GOLGA6L22: variants seen among roughly 807,000 people sequenced by gnomAD.
GOLGA6L22 encodes golgin A6 family like 22, also known as golgin subfamily A member 6-like protein 22.
Under a neutral mutation model 77.1 loss-of-function variants are expected in GOLGA6L22, and 28 were observed. That is an observed-to-expected ratio of 0.36 (90% CI 0.27 to 0.50). GOLGA6L22 has a LOEUF of 0.50. Among genes scored for constraint, GOLGA6L22 ranks in the 20% least tolerant of loss-of-function variants. The pLI, the probability that GOLGA6L22 is intolerant of heterozygous loss-of-function variation, is 0.97. For synonymous variants in GOLGA6L22, 62 were observed against 185.3 expected (o/e 0.33, Z 5.41); for missense variants, 250 against 620.4 (o/e 0.40, Z 6.34).
At position 22,461,937 on chromosome 15, in the gene GOLGA6L22, G is replaced by T. The variant is rs1457336660; in HGVS notation, c.181-97G>T. 3.2e-5 allele frequency: 40 copies of T among 1,243,418 alleles called. 5 individuals carry two copies. Among genetic ancestry groups the T allele is most frequent in the Non-Finnish European group, 4.0e-5 (36 of 905,114 alleles). The allele number at this position is 1,243,418 out of a possible 1,614,324, so 77.0% of individuals were successfully genotyped here. On this transcript the variant is annotated intron_variant, in intron 2 of 8. Transcript: ENST00000622895. ...CCCTGATAAACTGGTCCCATGGGTG[G>T]GCCTGTTCTGGGACAGTGGTGCCAT...
At chr15:22,461,938 G>T in intron 2 of GOLGA6L22, 96 bp from the exon 3 acceptor site, 1 of 1,264,162 alleles carries the variant, frequency 7.9e-7, no homozygotes, top group African/African-American at 2.1e-5. Context: ...CCATGGGTGG[G>T]CCTGTTCTGG....
rs1276380101 is a variant in GOLGA6L22 at position 22,464,710 on chromosome 15, G to A, written c.634-316G>A. Among the ~76,000 whole-genome samples, 107 of 129,214 alleles carry A rather than the reference G, an allele frequency of 8.3e-4. 20 individuals are homozygous for A. Among genetic ancestry groups the A allele is most frequent in the Admixed American group, 6.3e-3 (80 of 12,622 alleles). The allele number at this position is 129,214 out of a possible 152,430, so 84.8% of individuals were successfully genotyped here. ...GTCACCCAGGCCAGAGTGCAGTGGCGCAATCTCGGCTCACTGCAAGCTCCA... is the reference window on the plus strand; with the variant it reads ...GTCACCCAGGCCAGAGTGCAGTGGCACAATCTCGGCTCACTGCAAGCTCCA... On this transcript the variant is annotated intron_variant, in intron 7 of 8. Transcript: ENST00000622895.
chr15:22,466,038 G>C, exon 8 of GOLGA6L22: 1 of 544,836 alleles, frequency 1.8e-6, no homozygotes, highest in Non-Finnish European at 2.9e-6. Context: ...GAGGAAAAGA[G>C]GCAGGAGCAG....
At chr15:22,464,849 GT>G (rs1887627737) in intron 7 of GOLGA6L22, among the ~76,000 whole-genome samples, 173 bp from the exon 8 acceptor site, 1 of 127,656 alleles carries the variant, frequency 7.8e-6, no homozygotes, top group Admixed American at 8.0e-5. Flanking sequence ...GGGTTTCACT[GT>G]GTTAACCAGG....
At chr15:22,464,801 C>A (rs1887625971) in intron 7 of GOLGA6L22, among the ~76,000 whole-genome samples, 2 of 125,170 alleles carry the variant, frequency 1.6e-5, no homozygotes, top group African/African-American at 3.5e-5. Flanking sequence ...GTGCCCACCA[C>A]CACACCCAGC....
chr15:22,465,714 T>C (rs780209797), exon 8 of GOLGA6L22: 4 of 1,120,182 alleles, frequency 3.6e-6, no homozygotes, highest in Non-Finnish European at 4.8e-6. Flanking sequence ...GAGGAGAAGA[T>C]GCACGACCAG....
In GOLGA6L22 at chr15:22,466,192, G is replaced by A. The variant is rs1332753695; in HGVS notation, c.1800G>A (p.Glu600=). The A allele has an allele frequency of 2.7e-5, 18 of 671,908 alleles. No individual in the cohort carries two copies. The Admixed American group carries it at 3.2e-4, about 12-fold the overall frequency. The allele number at this position is 671,908 out of a possible 1,614,324, so 41.6% of individuals were successfully genotyped here. ...AGGAACAGGAAGAGAAGATGGGGGA[G>A]CAGGAAGAGAAGATGCAAGAACAGG... Residue 600 remains glutamate, a synonymous_variant, in exon 8 of 9, where the codon GAG becomes GAA. Coordinates refer to ENST00000622895, the Ensembl canonical transcript of GOLGA6L22.
exon 8 of GOLGA6L22, chr15:22,466,546 G>A (rs1267098936): frequency 5.9e-6 from 8 of 1,355,254 alleles, no homozygotes; most frequent in African/African-American, 5.3e-5. Context: ...AGATGGGGGA[G>A]CAGGAAGAGA....
At chr15:22,465,745 G>A in exon 8 of GOLGA6L22, 1 of 1,356,396 alleles carries the variant, frequency 7.4e-7, no homozygotes, top group Non-Finnish European at 9.8e-7. Context: ...TACGGGAGCA[G>A]GAGGAGAAGG....
chr15:22,465,479 G>A (rs1377834461), exon 8 of GOLGA6L22: 5 of 421,194 alleles, frequency 1.2e-5, no homozygotes, highest in Non-Finnish European at 2.0e-5. Context: ...GAAGATACGG[G>A]AGCAGGAAGA....
exon 8 of GOLGA6L22, chr15:22,466,508 G>A (rs1253619122): frequency 9.7e-7 from 1 of 1,029,508 alleles, no homozygotes; most frequent in African/African-American, 2.0e-5. Context: ...ACGAGAGCAG[G>A]AGGAGATGAT....
At chr15:22,465,906 A>T in exon 8 of GOLGA6L22, 1 of 1,182,838 alleles carries the variant, frequency 8.5e-7, no homozygotes, top group Non-Finnish European at 1.1e-6. Flanking sequence ...ATGCATGAGC[A>T]GGAGAAGATA....
At chr15:22,463,452 G>A (rs1887583933) in intron 5 of GOLGA6L22, among the ~76,000 whole-genome samples, 1 of 137,520 alleles carries the variant, frequency 7.3e-6, no homozygotes, top group African/African-American at 2.9e-5. Flanking sequence ...AGGAGTTCAA[G>A]ACTAGACTGA....
At position 22,466,676 on chromosome 15, in the gene GOLGA6L22, GA is replaced by G. The variant is rs1566906905; in HGVS notation, c.2286del (p.Glu763ArgfsTer36). The stretch of plus-strand genomic sequence containing the variant: ...GCAGGAGGAGATGATGCAGGAACAG[GA>G]AGAGAAGATGTGGGAGCAGGAGGAG... On this transcript the variant is annotated frameshift_variant, in exon 8 of 9. Coordinates refer to ENST00000622895, the Ensembl canonical transcript of GOLGA6L22. LOFTEE classifies it high-confidence loss of function. 3 of 600,546 alleles carry G rather than the reference GA, an allele frequency of 5.0e-6. No homozygotes were observed. Among genetic ancestry groups the G allele is most frequent in the Non-Finnish European group, 8.6e-6 (3 of 349,606 alleles). 37.2% of individuals were successfully genotyped at this position (600,546 alleles called of 1,614,324 possible). A position where few individuals can be genotyped will look rare whatever the true frequency, so the allele number is the denominator to read the frequency against.
intron 5 of GOLGA6L22, among the ~76,000 whole-genome samples, chr15:22,463,043 G>A (rs1201248665): frequency 7.4e-6 from 1 of 135,238 alleles, no homozygotes; most frequent in Non-Finnish European, 1.6e-5. Context: ...GCGAAAGAAT[G>A]GGCTTAGAGA....
At chr15:22,465,645 A>G (rs766295225) in exon 8 of GOLGA6L22, 1 of 834,880 alleles carries the variant, frequency 1.2e-6, no homozygotes, top group South Asian at 1.6e-5. Context: ...AGGCAAAAGG[A>G]GAAGATGCAC....
Position 22,466,367 on chromosome 15 carries a change from A to G in GOLGA6L22, c.1975A>G (p.Lys659Glu). The G allele has an allele frequency of 2.9e-6, 4 of 1,392,910 alleles. 1 individual carries two copies. Among genetic ancestry groups the G allele is most frequent in the Non-Finnish European group, 3.8e-6 (4 of 1,040,626 alleles). 86.3% of individuals were successfully genotyped at this position (1,392,910 alleles called of 1,614,324 possible). Residue 659 changes from lysine (K) to glutamate (E), a missense_variant, in exon 8 of 9, where the codon AAG becomes GAG. Transcript: ENST00000622895. ...GGAGATGATGCAGGAACAGGAAGAGAAGATGGGGGAGCAGGAGGAGAAGAT... is the reference window on the plus strand; with the variant it reads ...GGAGATGATGCAGGAACAGGAAGAGGAGATGGGGGAGCAGGAGGAGAAGAT...
At position 22,461,984 on chromosome 15, in the gene GOLGA6L22, G is replaced by T. The variant is rs1887542271; in HGVS notation, c.181-50G>T. On this transcript the variant is annotated intron_variant, in intron 2 of 8. Transcript: ENST00000622895. ...CCATTCTGGGGGCATGTCTCTTGCTGTGGATCTCTGCCTACCCCTAGTAAG... is the reference window on the plus strand; with the variant it reads ...CCATTCTGGGGGCATGTCTCTTGCTTTGGATCTCTGCCTACCCCTAGTAAG... The T allele has an allele frequency of 1.2e-5, 18 of 1,458,304 alleles. 1 individual carries two copies. Among genetic ancestry groups the T allele is most frequent in the East Asian group, 4.7e-5 (2 of 42,506 alleles). 90.3% of individuals were successfully genotyped at this position (1,458,304 alleles called of 1,614,324 possible).
intron 8 of GOLGA6L22, 71 bp downstream of exon 8, chr15:22,466,896 G>A: frequency 9.1e-6 from 4 of 439,228 alleles, no homozygotes; most frequent in East Asian, 3.2e-5. Context: ...GGGGGAGCAG[G>A]CGGAGGTGTG....
Sources: gnomAD v4.1 joint callset for allele counts (sites outside exome capture counted in the v4.1 genomes callset) on GRCh38, gnomAD v4.1.1 for gene constraint, MANE v1.5 for transcripts, NCBI Gene and HGNC (gene_info 2026-07-23, HGNC 2026-07-21) for gene names.